Variants in RAB1A observed in about 807,000 individuals in gnomAD.
RAB1A encodes RAB1A, member RAS oncogene family, also known as ras-related protein Rab-1A.
In RAB1A, 2 loss-of-function variants were observed where a neutral mutation model predicts 26.0. That is an observed-to-expected ratio of 0.08 (90% CI 0.03 to 0.24). The LOEUF (loss-of-function observed/expected upper bound fraction) is 0.24, where lower values mean the gene tolerates loss of function less well. Among genes scored for constraint, RAB1A ranks in the 10% least tolerant of loss-of-function variants. The pLI, the probability that RAB1A is intolerant of heterozygous loss-of-function variation, is 1.00. For missense variants in RAB1A, 100 were observed against 247.0 expected (o/e 0.40, Z 3.99); for synonymous variants, 84 against 84.9 (o/e 0.99, Z 0.06).
At chr2:65,105,823 C>T (rs555093567) in intron 1 of RAB1A, among the ~76,000 whole-genome samples, 37 of 151,772 alleles carry the variant, frequency 2.4e-4, no homozygotes, top group Admixed American at 7.2e-4. Context: ...AGTGCAGTGG[C>T]GCGATCTCGG....
intron 3 of RAB1A, among the ~76,000 whole-genome samples, chr2:65,094,541 G>T (rs544251859): frequency 9.0e-4 from 135 of 149,172 alleles, no homozygotes; most frequent in African/African-American, 3.2e-3. Context: ...CCGAGATCAC[G>T]CCATTGCACT....
chr2:65,122,154 T>TTAAAA (rs1558588148), intron 1 of RAB1A, among the ~76,000 whole-genome samples: 3 of 115,784 alleles, frequency 2.6e-5, no homozygotes, highest in African/African-American at 1.1e-4. Context: ...AGACTCTATC[T>TTAAAA]CAAAAAAAAA....
At position 65,130,080 on chromosome 2, in the gene RAB1A, C is replaced by T; in HGVS notation, c.-165G>A. On this transcript the variant is annotated 5_prime_UTR_variant, in exon 1 of 6. Transcript: ENST00000409784. ...CTAGAACACAATCAGCAGCCGCCGCCACTCAGCTATCGCTTCCACCCAAAA... is the reference window on the plus strand; with the variant it reads ...CTAGAACACAATCAGCAGCCGCCGCTACTCAGCTATCGCTTCCACCCAAAA... The T allele has an allele frequency of 1.2e-6, 1 of 801,066 alleles. No homozygotes were observed. Among genetic ancestry groups the T allele is most frequent in the Non-Finnish European group, 2.1e-6 (1 of 484,088 alleles). The allele number at this position is 801,066 out of a possible 1,614,324, so 49.6% of individuals were successfully genotyped here.
intron 1 of RAB1A, among the ~76,000 whole-genome samples, chr2:65,121,072 A>C (rs938943337): frequency 6.6e-6 from 1 of 151,918 alleles, no homozygotes; most frequent in African/African-American, 2.4e-5. Context: ...CATAGGCAAC[A>C]TAGCGACATC....
chr2:65,098,321 T>C (rs1669337256), intron 2 of RAB1A, among the ~76,000 whole-genome samples: 2 of 152,212 alleles, frequency 1.3e-5, no homozygotes, highest in Non-Finnish European at 2.9e-5. Context: ...ATCTCTACAA[T>C]AGCCATTCTT....
chr2:65,104,702 T>C (rs1669512134), intron 2 of RAB1A, 32 bp downstream of exon 2: 1 of 1,440,398 alleles, frequency 6.9e-7, no homozygotes, highest in Non-Finnish European at 9.6e-7. Flanking sequence ...AATTGTACCA[T>C]TAATTGTAAA....
chr2:65,127,427 T>C (rs1266298491), intron 1 of RAB1A, among the ~76,000 whole-genome samples: 8 of 152,124 alleles, frequency 5.3e-5, no homozygotes, highest in Admixed American at 1.3e-4. Context: ...CTACTGGTAT[T>C]TGACATGTAT....
chr2:65,091,138 G>T, intron 3 of RAB1A, 60 bp from the exon 4 acceptor site: 1 of 1,310,036 alleles, frequency 7.6e-7, no homozygotes, highest in African/African-American at 1.5e-5. Flanking sequence ...GGGGAAAAGT[G>T]TAGGAGGGAG....
rs1553396407 is a variant in RAB1A at position 65,129,930 on chromosome 2, C to CGCCGCCGCCACCGCCGCCCTT, written c.-36_-16dup. The CGCCGCCGCCACCGCCGCCCTT allele has an allele frequency of 6.3e-7, 1 of 1,584,428 alleles. No homozygotes were observed. On this transcript the variant is annotated 5_prime_UTR_variant, in exon 1 of 6. Transcript: ENST00000409784. ...ATGCTGGACATGTCACTGCAGCTGC[C>CGCCGCCGCCACCGCCGCCCTT]GCCGCCGCCACCGCCGCCCTTGCTG...
intron 1 of RAB1A, among the ~76,000 whole-genome samples, chr2:65,109,276 C>T (rs1669639965): frequency 6.6e-6 from 1 of 152,158 alleles, no homozygotes; most frequent in Non-Finnish European, 1.5e-5. Context: ...AGAGCCAAGA[C>T]TAATTTAGCA....
At chr2:65,122,367 T>C (rs1191237163) in intron 1 of RAB1A, among the ~76,000 whole-genome samples, 1 of 133,560 alleles carries the variant, frequency 7.5e-6, no homozygotes, top group Non-Finnish European at 1.6e-5. Context: ...GGCAACATAT[T>C]GAAATCCCAT....
chr2:65,106,007 G>T, intron 1 of RAB1A, among the ~76,000 whole-genome samples: 1 of 152,076 alleles, frequency 6.6e-6, no homozygotes, highest in East Asian at 1.9e-4. Flanking sequence ...TGATCTGCCC[G>T]CCTCAGCCTC....
At chr2:65,123,795 C>T (rs1311071966) in intron 1 of RAB1A, among the ~76,000 whole-genome samples, 5 of 151,212 alleles carry the variant, frequency 3.3e-5, no homozygotes, top group African/African-American at 4.9e-5. Flanking sequence ...CAACGCACTC[C>T]AGTGACAAAG....
intron 1 of RAB1A, among the ~76,000 whole-genome samples, chr2:65,110,373 G>A (rs917933743): frequency 1.3e-5 from 2 of 151,300 alleles, no homozygotes; most frequent in African/African-American, 4.9e-5. Context: ...CCCGGGAGGT[G>A]GAGGTTGCAG....
intron 1 of RAB1A, among the ~76,000 whole-genome samples, chr2:65,113,929 T>TTA (rs1376266180): frequency 6.6e-6 from 1 of 152,216 alleles, no homozygotes; most frequent in Non-Finnish European, 1.5e-5. Flanking sequence ...TGTATGACTT[T>TTA]TATAACCAGA....
At chr2:65,120,565 A>C (rs967569154) in intron 1 of RAB1A, among the ~76,000 whole-genome samples, 3 of 152,120 alleles carry the variant, frequency 2.0e-5, no homozygotes, top group Non-Finnish European at 4.4e-5. Context: ...ATGATAGTTA[A>C]CATTCTCTTT....
Position 65,129,977 on chromosome 2 carries a change from T to A in RAB1A, c.-62A>T. 1 of 1,537,754 alleles carries A rather than the reference T, an allele frequency of 6.5e-7. No homozygotes were observed. The highest frequency in any genetic ancestry group is 8.8e-7 in the Non-Finnish European group (1 of 1,132,240). ...GCTGCCGCAGCCGCCGCCCTGACTC[T>A]CCGCGCCACGGGTAATCGAAAGAAA... On this transcript the variant is annotated 5_prime_UTR_variant, in exon 1 of 6. Coordinates refer to ENST00000409784, the MANE Select transcript of RAB1A (RefSeq NM_004161.5).
At chr2:65,105,494 A>G (rs1265446771) in intron 1 of RAB1A, 1 of 144,600 alleles carries the variant, frequency 6.9e-6, no homozygotes, top group African/African-American at 2.6e-5. Flanking sequence ...CTGGGCAATA[A>G]GAACGAAACT....
chr2:65,128,215 C>G (rs1396688819), intron 1 of RAB1A, among the ~76,000 whole-genome samples: 1 of 151,880 alleles, frequency 6.6e-6, no homozygotes, highest in Non-Finnish European at 1.5e-5. Context: ...TCCTATTTTA[C>G]AAAAGGGAAA....
Sources: allele counts gnomAD v4.1 joint callset (sites outside exome capture counted in the v4.1 genomes callset), GRCh38; gene constraint gnomAD v4.1.1; transcripts MANE v1.5; gene names NCBI Gene and HGNC (gene_info 2026-07-23, HGNC 2026-07-21).